Variants in FANCB observed in about 807,000 individuals in gnomAD.
The protein encoded by FANCB is FA complementation group B.
Under a neutral mutation model 38.9 loss-of-function variants are expected in FANCB, and 5 were observed. The ratio of observed to expected loss-of-function variants is 0.13; its 90% CI spans 0.07 to 0.27. The LOEUF is 0.27. Among genes scored for constraint, FANCB ranks in the 10% least tolerant of loss-of-function variants. The pLI is 1.00. For missense variants in FANCB, 573 were observed against 602.7 expected, an observed-to-expected ratio of 0.95 and a Z score of 0.52; for synonymous variants, 236 against 215.4, an observed-to-expected ratio of 1.10 and a Z score of -0.84.
the FANCB span, among the ~76,000 whole-genome samples, chrX:14,823,909 G>A: frequency 9.0e-6 from 1 of 110,882 alleles, no homozygotes; most frequent in Non-Finnish European, 1.9e-5. Context: ...CTCCAATAAG[G>A]AGAGCACCAG....
the FANCB span, among the ~76,000 whole-genome samples, chrX:14,732,321 T>C: frequency 1.8e-5 from 2 of 112,147 alleles, 1 homozygote; most frequent in African/African-American, 6.5e-5. Flanking sequence ...TCTTGGCTAT[T>C]GTAAATAGTG....
At chrX:14,792,501 A>T in the FANCB span, among the ~76,000 whole-genome samples, 1 of 110,756 alleles carries the variant, frequency 9.0e-6, no homozygotes, top group Non-Finnish European at 1.9e-5. Context: ...ATGCACCATT[A>T]AAAAAAATCA....
chrX:14,862,696 A>G (rs2092452223), intron 3 of FANCB, among the ~76,000 whole-genome samples: 1 of 112,000 alleles, frequency 8.9e-6, no homozygotes, highest in African/African-American at 3.3e-5. Context: ...AGTTCCTCCT[A>G]TGTGTCAAGC....
the FANCB span, among the ~76,000 whole-genome samples, chrX:14,826,980 T>TA: frequency 3.6e-5 from 4 of 112,046 alleles, no homozygotes; most frequent in African/African-American, 1.3e-4. Context: ...CCCAGATGGC[T>TA]ACTTAGATTT....
chrX:14,693,031 T>G, the FANCB span, among the ~76,000 whole-genome samples: 1 of 98,300 alleles, frequency 1.0e-5, no homozygotes, highest in Non-Finnish European at 2.1e-5. Context: ...ACCCTAAAAC[T>G]TAAAGTATAA....
chrX:14,692,763 T>A, the FANCB span, among the ~76,000 whole-genome samples: 1 of 112,074 alleles, frequency 8.9e-6, no homozygotes, highest in Non-Finnish European at 1.9e-5. Context: ...TTCCCAATTC[T>A]AAATAGTTGT....
chrX:14,724,047 A>C, the FANCB span, among the ~76,000 whole-genome samples: 2 of 108,659 alleles, frequency 1.8e-5, no homozygotes, highest in Non-Finnish European at 3.8e-5. Context: ...AATCTAAAAC[A>C]CTCCCTTCTA....
chrX:14,835,056 A>C, downstream of FANCB: 1 of 571,474 alleles, frequency 1.7e-6, no homozygotes, highest in Non-Finnish European at 3.1e-6. Flanking sequence ...AAAGCCCCCA[A>C]GGGAAAGCTT....
the FANCB span, among the ~76,000 whole-genome samples, chrX:14,773,086 C>T: frequency 3.6e-5 from 4 of 112,083 alleles, no homozygotes; most frequent in Admixed American, 2.8e-4. Context: ...TTCACTCGCC[C>T]GTTTTCATTC....
At chrX:14,841,815 TAAAAA>T (rs774344022), downstream of FANCB, among the ~76,000 whole-genome samples, 15 of 111,209 alleles carry the variant, frequency 1.3e-4, no homozygotes, top group African/African-American at 4.2e-4. Flanking sequence ...TGTAGTAAGT[TAAAAA>T]AAATACTGGA....
chrX:14,739,639 G>C, the FANCB span, among the ~76,000 whole-genome samples: 1 of 111,368 alleles, frequency 9.0e-6, no homozygotes, highest in South Asian at 3.8e-4. Context: ...TTGTGTGATT[G>C]AATGGCCCAA....
At chrX:14,827,188 T>C in the FANCB span, among the ~76,000 whole-genome samples, 1 of 111,706 alleles carries the variant, frequency 9.0e-6, no homozygotes, top group African/African-American at 3.3e-5. Context: ...ATGCTTTTCT[T>C]TTTCAGAGTT....
chrX:14,844,807 A>G (rs749159651), intron 8 of FANCB, 49 bp downstream of exon 8: 1 of 1,160,884 alleles, frequency 8.6e-7, no homozygotes, highest in South Asian at 1.8e-5. Flanking sequence ...AATTCTTAAA[A>G]TTTTCTAATT....
chrX:14,779,129 G>A, the FANCB span, among the ~76,000 whole-genome samples: 5 of 112,036 alleles, frequency 4.5e-5, no homozygotes, highest in Non-Finnish European at 7.5e-5. Flanking sequence ...TCCTCTGCAT[G>A]ATCAGGTTGA....
chrX:14,755,990 A>G, the FANCB span, among the ~76,000 whole-genome samples: 1 of 111,991 alleles, frequency 8.9e-6, no homozygotes, highest in Non-Finnish European at 1.9e-5. Flanking sequence ...AACTCAGAAT[A>G]TAAAAGAGAA....
chrX:14,856,509 TTCTG>T (rs1226486197), intron 5 of FANCB, among the ~76,000 whole-genome samples: 5 of 112,155 alleles, frequency 4.5e-5, no homozygotes, highest in African/African-American at 1.6e-4. Context: ...TCATTCATGG[TTCTG>T]TCTGTTATGA....
chrX:14,732,295 T>C, the FANCB span, among the ~76,000 whole-genome samples: 5 of 112,061 alleles, frequency 4.5e-5, no homozygotes, highest in Non-Finnish European at 9.4e-5. Flanking sequence ...TGATGGGCAT[T>C]TGGGTTAGTT....
rs754538030 is a variant in FANCB at position 14,855,287 on chromosome X, T to C, written c.1198-2120A>G. 1.3e-3 allele frequency among the ~76,000 whole-genome samples: 148 copies of C among 112,182 alleles called. 1 individual carries two copies. Among genetic ancestry groups the C allele is most frequent in the Middle Eastern group, 4.6e-3 (1 of 218 alleles). On this transcript the variant is annotated intron_variant, in intron 5 of 9. Coordinates refer to ENST00000650831, the MANE Select transcript of FANCB (RefSeq NM_001018113.3). ...TCTAGCTCTGCAAGTCACGTAACCT[T>C]TCTGGCTATTTGTTACGTCATGTGC...
downstream of FANCB, among the ~76,000 whole-genome samples, chrX:14,832,596 T>C (rs1041863085): frequency 8.9e-6 from 1 of 112,241 alleles, no homozygotes; most frequent in African/African-American, 3.2e-5. Flanking sequence ...AGCCAATTAA[T>C]ACAGGGTATT....
Sources: allele counts gnomAD v4.1 joint callset (sites outside exome capture counted in the v4.1 genomes callset), GRCh38; gene constraint gnomAD v4.1.1; transcripts MANE v1.5; gene names NCBI Gene and HGNC (gene_info 2026-07-23, HGNC 2026-07-21).